PTPRT: variants seen among roughly 807,000 people sequenced by gnomAD.
PTPRT encodes the protein receptor-type tyrosine-protein phosphatase T.
Under a neutral mutation model 176.8 loss-of-function variants are expected in PTPRT, and 56 were observed. That is an observed-to-expected ratio of 0.32 (90% CI 0.26 to 0.40). The LOEUF (loss-of-function observed/expected upper bound fraction) is 0.40. Ranked by LOEUF, PTPRT falls within the 10% of genes least tolerant of loss-of-function variation. The pLI is 1.00. For missense variants in PTPRT, 1,540 were observed against 1,908.2 expected (o/e 0.81, Z 3.60); for synonymous variants, 783 against 739.0 (o/e 1.06, Z -0.96).
intron 7 of PTPRT, among the ~76,000 whole-genome samples, chr20:42,629,724 G>C (rs1250345839): frequency 2.0e-5 from 3 of 152,172 alleles, no homozygotes; most frequent in Non-Finnish European, 4.4e-5. Flanking sequence ...ACTTAAAGCA[G>C]ACACGTTACC....
At chr20:42,833,416 T>A (rs1258143155) in intron 2 of PTPRT, among the ~76,000 whole-genome samples, 3 of 149,550 alleles carry the variant, frequency 2.0e-5, no homozygotes, top group South Asian at 2.1e-4. Context: ...TCTGAAAAAA[T>A]AAATAAATAA....
At chr20:43,038,443 A>C (rs981264267) in intron 1 of PTPRT, among the ~76,000 whole-genome samples, 25 of 152,226 alleles carry the variant, frequency 1.6e-4, no homozygotes, top group Non-Finnish European at 2.9e-4. Flanking sequence ...TCCTGATATA[A>C]AAATAACCTA....
intron 11 of PTPRT, among the ~76,000 whole-genome samples, chr20:42,318,995 T>C (rs948441872): frequency 6.6e-6 from 1 of 152,106 alleles, no homozygotes; most frequent in Non-Finnish European, 1.5e-5. Context: ...AGCAAGAAGA[T>C]GGGTTCTCAC....
At chr20:43,078,602 G>A (rs1191609725) in intron 1 of PTPRT, among the ~76,000 whole-genome samples, 1 of 152,094 alleles carries the variant, frequency 6.6e-6, no homozygotes, top group East Asian at 1.9e-4. Context: ...ACGGAGGGCT[G>A]GGAAACAACA....
intron 2 of PTPRT, among the ~76,000 whole-genome samples, chr20:42,823,425 G>C (rs927277489): frequency 2.0e-5 from 3 of 151,756 alleles, no homozygotes; most frequent in Non-Finnish European, 4.4e-5. Context: ...TAGAGGATGG[G>C]TCAATAGGCA....
chr20:42,071,644 G>GTTTTATTTTATTTTA (rs532857392), downstream of PTPRT, among the ~76,000 whole-genome samples: 2 of 152,194 alleles, frequency 1.3e-5, no homozygotes, highest in Admixed American at 6.5e-5. Flanking sequence ...GCTCAGCAGT[G>GTTTTATTTTATTTTA]TTTTATTTTA....
rs58536258 is a variant in PTPRT at position 42,886,049 on chromosome 20, C to CTT, written c.89-118_89-117insAA. The CTT allele has an allele frequency of 3.3e-3, 1,437 of 431,338 alleles. 25 individuals are homozygous for CTT. The highest frequency in any genetic ancestry group is 0.03 in the African/African-American group (1,327 of 44,372). 26.7% of individuals were successfully genotyped at this position (431,338 alleles called of 1,614,324 possible). On this transcript the variant is annotated intron_variant, in intron 1 of 30. Transcript: ENST00000373187. ...AATTTTAAACTCTGGAGAAGATTTTCCATATATATATATATATATATAAAA... is the reference window on the plus strand; with the variant it reads ...AATTTTAAACTCTGGAGAAGATTTTCTTCATATATATATATATATATATAAAA...
At position 42,480,071 on chromosome 20, in the gene PTPRT, G is replaced by A. The variant is rs115969152; in HGVS notation, c.1154-7509C>T. On this transcript the variant is annotated intron_variant, in intron 7 of 30. Coordinates refer to ENST00000373187, the MANE Select transcript of PTPRT (RefSeq NM_007050.6). ...GCCACAGAGAAGGTAATCCACTCACGTGTTCATTGTCTCATTTCTTAATTG... is the reference window on the plus strand; with the variant it reads ...GCCACAGAGAAGGTAATCCACTCACATGTTCATTGTCTCATTTCTTAATTG... 5.7e-3 allele frequency among the ~76,000 whole-genome samples: 873 copies of A among 152,250 alleles called. 4 individuals are homozygous for A. Among genetic ancestry groups the A allele is most frequent in the African/African-American group, 0.02 (824 of 41,544 alleles).
intron 9 of PTPRT, among the ~76,000 whole-genome samples, chr20:42,370,074 T>C (rs2145595609): frequency 6.6e-6 from 1 of 152,242 alleles, no homozygotes; most frequent in South Asian, 2.1e-4. Context: ...CTGTAACCCG[T>C]GTGTTATGAG....
intron 1 of PTPRT, among the ~76,000 whole-genome samples, chr20:42,947,016 C>T (rs1452714870): frequency 1.3e-5 from 2 of 152,068 alleles, no homozygotes; most frequent in African/African-American, 4.8e-5. Context: ...TCAAAGAGAG[C>T]GGCTACAGGG....
rs555199025 is a variant in PTPRT, at chr20:42,943,372, G to A, written c.89-57440C>T. 6.1e-4 allele frequency among the ~76,000 whole-genome samples: 93 copies of A among 152,314 alleles called. 1 individual carries two copies. Among genetic ancestry groups the A allele is most frequent in the African/African-American group, 1.4e-4 (6 of 41,556 alleles). On this transcript the variant is annotated intron_variant, in intron 1 of 30. Coordinates refer to ENST00000373187, the MANE Select transcript of PTPRT (RefSeq NM_007050.6). ...GATTGGCTTGTGAAGGGATACGCAC[G>A]CAGAGCCTTCGGGTCAGAAGCTTGT...
intron 8 of PTPRT, 141 bp from the exon 9 acceptor site, chr20:42,448,470 T>G: frequency 1.6e-6 from 1 of 644,740 alleles, no homozygotes; most frequent in South Asian, 1.8e-5. Flanking sequence ...GTACGTTCTC[T>G]GTTACAACTA....
intron 7 of PTPRT, among the ~76,000 whole-genome samples, chr20:42,620,419 G>A (rs986150744): frequency 2.7e-5 from 4 of 149,864 alleles, no homozygotes; most frequent in African/African-American, 1.0e-4. Context: ...GCCCCCAGAG[G>A]TGGAGCCTAC....
intron 15 of PTPRT, among the ~76,000 whole-genome samples, chr20:42,224,562 G>A (rs1005291664): frequency 2.0e-5 from 3 of 152,200 alleles, no homozygotes; most frequent in Non-Finnish European, 4.4e-5. Flanking sequence ...AATGCTTCAC[G>A]ATGCTCTTTC....
At chr20:42,288,464 A>G (rs536043474) in intron 12 of PTPRT, among the ~76,000 whole-genome samples, 4 of 152,084 alleles carry the variant, frequency 2.6e-5, no homozygotes, top group African/African-American at 9.6e-5. Context: ...CCAAAGAGTG[A>G]ACAAATGAAC....
intron 11 of PTPRT, among the ~76,000 whole-genome samples, chr20:42,345,519 A>C (rs2058177734): frequency 6.7e-6 from 1 of 149,218 alleles, no homozygotes; most frequent in African/African-American, 2.4e-5. Flanking sequence ...GTTACTATAG[A>C]TATACATATA....
At chr20:42,286,016 A>T (rs2057225010) in intron 12 of PTPRT, among the ~76,000 whole-genome samples, 1 of 152,010 alleles carries the variant, frequency 6.6e-6, no homozygotes, top group African/African-American at 2.4e-5. Flanking sequence ...AATACCTAGA[A>T]ATCAATTTAA....
chr20:42,213,577 G>A (rs773686464), intron 15 of PTPRT, among the ~76,000 whole-genome samples: 17 of 152,228 alleles, frequency 1.1e-4, no homozygotes, highest in African/African-American at 3.9e-4. Flanking sequence ...CTTTGCAGAC[G>A]TAACGAAGTT....
intron 9 of PTPRT, among the ~76,000 whole-genome samples, chr20:42,377,016 T>C (rs1293204000): frequency 1.3e-5 from 2 of 152,126 alleles, no homozygotes; most frequent in Admixed American, 6.6e-5. Flanking sequence ...AGAAGCTACA[T>C]AGAAAGAGAG....
Sources: gnomAD v4.1 joint callset for allele counts (sites outside exome capture counted in the v4.1 genomes callset) on GRCh38, gnomAD v4.1.1 for gene constraint, MANE v1.5 for transcripts, NCBI Gene and HGNC (gene_info 2026-07-23, HGNC 2026-07-21) for gene names.